Variants in SUB1 observed in about 807,000 individuals in gnomAD.
The protein encoded by SUB1 is activated RNA polymerase II transcriptional coactivator p15.
Under a neutral mutation model 16.9 loss-of-function variants are expected in SUB1, and 1 was observed. The observed-to-expected ratio is 0.06, with a 90% CI of 0.02 to 0.28. The LOEUF is 0.28. Ranked by LOEUF, SUB1 falls within the 10% of genes least tolerant of loss-of-function variation. The pLI, the probability that SUB1 is intolerant of heterozygous loss-of-function variation, is 1.00. For missense variants in SUB1, 84 were observed against 145.2 expected, an observed-to-expected ratio of 0.58 and a Z score of 2.16; for synonymous variants, 51 against 46.9, an observed-to-expected ratio of 1.09 and a Z score of -0.36.
In SUB1 at chr5:32,603,870, T is replaced by G. The variant is rs931136551; in HGVS notation, c.*2786T>G. On this transcript the variant is annotated 3_prime_UTR_variant, in exon 5 of 5. Coordinates refer to ENST00000265073, the MANE Select transcript of SUB1 (RefSeq NM_006713.4). ...TTTGCAGTTCATTTTTTATGGCAGT[T>G]AATCCAGTGAAACACTCAAAAGTTT... 6 of 151,694 alleles carry G rather than the reference T, an allele frequency of 4.0e-5. No individual in the cohort carries two copies. Among genetic ancestry groups the G allele is most frequent in the African/African-American group, 1.4e-4 (6 of 41,426 alleles). The allele number at this position is 151,694 out of a possible 1,614,324, so 9.4% of individuals were successfully genotyped here. A position where few individuals can be genotyped will look rare whatever the true frequency, so the allele number is the denominator to read the frequency against.
Position 32,588,497 on chromosome 5 carries a change from G to C in SUB1, c.-1-15G>C, listed in dbSNP as rs112663289. On this transcript the variant is annotated splice_polypyrimidine_tract_variant and intron_variant, in intron 1 of 4. Transcript: ENST00000265073. ...GTACCTTATTAATTATTTTTGTAAT[G>C]TATTTTTCTTTCAGGATGCCTAAAT... is the stretch of plus-strand genomic sequence containing the variant. 1 of 1,608,316 alleles carries C rather than the reference G, an allele frequency of 6.2e-7. No individual in the cohort carries two copies. The highest frequency in any genetic ancestry group is 1.3e-5 in the African/African-American group (1 of 74,834).
In SUB1 at chr5:32,602,735, C is replaced by T. The variant is rs939098451; in HGVS notation, c.*1651C>T. On this transcript the variant is annotated 3_prime_UTR_variant, in exon 5 of 5. Coordinates refer to ENST00000265073, the MANE Select transcript of SUB1 (RefSeq NM_006713.4). Reference sequence around the variant, plus strand: ...GGTAAATCTCTTGTAATTTAGCCTTCATCGAATAATAGGTACCAGTGTATT... The same window carrying T: ...GGTAAATCTCTTGTAATTTAGCCTTTATCGAATAATAGGTACCAGTGTATT... 6.5e-6 allele frequency: 1 copy of T among 154,274 alleles called. No individual in the cohort carries two copies. The highest frequency in any genetic ancestry group is 1.9e-4 in the East Asian group (1 of 5,222). The allele number at this position is 154,274 out of a possible 1,614,324, so 9.6% of individuals were successfully genotyped here.
Position 32,599,408 on chromosome 5 carries a change from T to C in SUB1, c.304+339T>C, listed in dbSNP as rs186403798. ...TAAAATCAGGAATGGAAAATCTTGG[T>C]TTACAATGCTTCCTTTTGATTCAGC... On this transcript the variant is annotated intron_variant, in intron 4 of 4. Transcript: ENST00000265073. 3.2e-3 allele frequency among the ~76,000 whole-genome samples: 492 copies of C among 152,334 alleles called. 2 individuals carry two copies. Among genetic ancestry groups the C allele is most frequent in the African/African-American group, 0.011 (459 of 41,576 alleles).
chr5:32,591,155 A>T (rs192229366), intron 2 of SUB1: 2 of 153,344 alleles, frequency 1.3e-5, no homozygotes, highest in African/African-American at 4.8e-5. Context: ...AGTTGGTTAT[A>T]TTCTTTTTAA....
At position 32,602,999 on chromosome 5, in the gene SUB1, A is replaced by G. The variant is rs555269796; in HGVS notation, c.*1915A>G. 1 of 152,220 alleles carries G rather than the reference A, an allele frequency of 6.6e-6. No individual in the cohort carries two copies. The highest frequency in any genetic ancestry group is 1.9e-4 in the East Asian group (1 of 5,182). The allele number at this position is 152,220 out of a possible 1,614,324, so 9.4% of individuals were successfully genotyped here. A position where few individuals can be genotyped will look rare whatever the true frequency, so the allele number is the denominator to read the frequency against. Reference sequence around the variant, plus strand: ...TGTAGATGCAGAGGGAATGATGGGTAAATTTCCTAGGTTTATGTGAATTTA... The same window carrying G: ...TGTAGATGCAGAGGGAATGATGGGTGAATTTCCTAGGTTTATGTGAATTTA... On this transcript the variant is annotated 3_prime_UTR_variant, in exon 5 of 5. Coordinates refer to ENST00000265073, the MANE Select transcript of SUB1 (RefSeq NM_006713.4).
intron 3 of SUB1, among the ~76,000 whole-genome samples, chr5:32,592,702 G>C (rs1171101230): frequency 1.1e-4 from 16 of 152,072 alleles, no homozygotes. Context: ...ACTTGATTGT[G>C]GATGTGATTG....
At chr5:32,587,820 G>C (rs1330516986) in intron 1 of SUB1, among the ~76,000 whole-genome samples, 1 of 152,092 alleles carries the variant, frequency 6.6e-6, no homozygotes, top group African/African-American at 2.4e-5. Flanking sequence ...TGTTGGCCAG[G>C]CTGGTCTCGA....
intron 3 of SUB1, among the ~76,000 whole-genome samples, chr5:32,594,240 A>C (rs1205206986): frequency 6.6e-6 from 1 of 152,188 alleles, no homozygotes; most frequent in Non-Finnish European, 1.5e-5. Context: ...TGGTTCCTTC[A>C]GCTCTGATTT....
rs1228372544 is a variant in SUB1, at chr5:32,601,318, A to G, written c.*234A>G. 2.2e-6 allele frequency: 1 copy of G among 450,604 alleles called. No homozygotes were observed. The highest frequency in any genetic ancestry group is 3.9e-6 in the Non-Finnish European group (1 of 253,240). The allele number at this position is 450,604 out of a possible 1,614,324, so 27.9% of individuals were successfully genotyped here. A position where few individuals can be genotyped will look rare whatever the true frequency, so the allele number is the denominator to read the frequency against. ...CACCACCTAGTGTAAAATAAAATCAAGTAATACAATCTTAACTGTTGTGGC... is the reference window on the plus strand; with the variant it reads ...CACCACCTAGTGTAAAATAAAATCAGGTAATACAATCTTAACTGTTGTGGC... On this transcript the variant is annotated 3_prime_UTR_variant, in exon 5 of 5. Transcript: ENST00000265073.
chr5:32,591,084 C>T (rs994839610), intron 2 of SUB1, among the ~76,000 whole-genome samples: 1 of 151,922 alleles, frequency 6.6e-6, no homozygotes, highest in Non-Finnish European at 1.5e-5. Flanking sequence ...ATTCCTTAAG[C>T]CAGCATAAAT....
intron 3 of SUB1, chr5:32,594,646 C>T (rs12653236): frequency 0.075 from 33,742 of 451,552 alleles, 4,370 homozygotes; most frequent in African/African-American, 0.39. Flanking sequence ...CATTGCAGCC[C>T]GAGCTCTGCC....
At chr5:32,591,708 T>C in intron 3 of SUB1, 23 bp downstream of exon 3, 1 of 1,556,470 alleles carries the variant, frequency 6.4e-7, no homozygotes, top group Non-Finnish European at 8.6e-7. Context: ...ATTTTTTTTT[T>C]TTTTTTTTTT....
chr5:32,591,915 G>A (rs143359683), intron 3 of SUB1, among the ~76,000 whole-genome samples: 3,577 of 152,156 alleles, frequency 0.024, 154 homozygotes, highest in African/African-American at 0.082. Context: ...GGCCAGGCTG[G>A]TCTTGAACTC....
At chr5:32,596,509 T>G (rs1403780784) in intron 3 of SUB1, 1 of 152,208 alleles carries the variant, frequency 6.6e-6, no homozygotes, top group Non-Finnish European at 1.5e-5. Flanking sequence ...CCTAGAAGTT[T>G]TATAGTTTTA....
chr5:32,587,848 A>G (rs551384305), intron 1 of SUB1, among the ~76,000 whole-genome samples: 69 of 152,248 alleles, frequency 4.5e-4, no homozygotes, highest in Non-Finnish European at 6.3e-4. Context: ...ACCTCAGGTG[A>G]TCCGCCTGCT....
intron 4 of SUB1, among the ~76,000 whole-genome samples, chr5:32,599,700 G>GTT (rs760992493): frequency 4.2e-5 from 6 of 143,028 alleles, no homozygotes; most frequent in Non-Finnish European, 4.6e-5. Context: ...GCTTCATGCA[G>GTT]TTTTTTTTTT....
chr5:32,587,522 A>G (rs1284562651), intron 1 of SUB1, among the ~76,000 whole-genome samples: 2 of 152,058 alleles, frequency 1.3e-5, no homozygotes, highest in Non-Finnish European at 2.9e-5. Flanking sequence ...TAGGTTTTGC[A>G]CCTCCCATAA....
chr5:32,602,035 G>A lies in SUB1; in HGVS notation c.*951G>A, dbSNP rs1420735636. 2 of 243,118 alleles carry A rather than the reference G, an allele frequency of 8.2e-6. No individual in the cohort carries two copies. The highest frequency in any genetic ancestry group is 1.7e-5 in the Non-Finnish European group (2 of 118,058). 15.1% of individuals were successfully genotyped at this position (243,118 alleles called of 1,614,324 possible). On this transcript the variant is annotated 3_prime_UTR_variant, in exon 5 of 5. Coordinates refer to ENST00000265073, the MANE Select transcript of SUB1 (RefSeq NM_006713.4). ...GATGTCATTAAGCTTTACTGTTATA[G>A]TAGGTAATATGGTTAGTTTGTAGGG...
chr5:32,596,011 TTATATATTTTGTCAGATGTAAG>T (rs1344227963), intron 3 of SUB1: 1 of 152,156 alleles, frequency 6.6e-6, no homozygotes, highest in Admixed American at 6.5e-5. Flanking sequence ...TTGTAACACT[TTATATATTTTGTCAGATGTAAG>T]TATAATTAAT....
Sources: allele counts gnomAD v4.1 joint callset (sites outside exome capture counted in the v4.1 genomes callset), GRCh38; gene constraint gnomAD v4.1.1; transcripts MANE v1.5; gene names NCBI Gene and HGNC (gene_info 2026-07-23, HGNC 2026-07-21).